The following MTA3 variants were observed in gnomAD, a reference collection of about 807,000 sequenced individuals.
MTA3 encodes metastasis-associated protein MTA3.
In MTA3, 34 loss-of-function variants were observed where a neutral mutation model predicts 83.5. That is an observed-to-expected ratio of 0.41 (90% CI 0.31 to 0.54). The LOEUF is 0.54. Among genes scored for constraint, MTA3 ranks in the 20% least tolerant of loss-of-function variants. The pLI, the probability that MTA3 is intolerant of heterozygous loss-of-function variation, is 0.33. For synonymous variants in MTA3, 303 were observed against 252.7 expected (o/e 1.20, Z -1.89); for missense variants, 761 against 726.4 (o/e 1.05, Z -0.55).
intron 2 of MTA3, among the ~76,000 whole-genome samples, chr2:42,572,205 G>T (rs1183117939): frequency 6.6e-6 from 1 of 151,980 alleles, no homozygotes; most frequent in African/African-American, 2.4e-5. Flanking sequence ...GGTGAACCTG[G>T]GGGGTGGAGC....
intron 2 of MTA3, among the ~76,000 whole-genome samples, chr2:42,521,978 T>G (rs1020094316): frequency 1.3e-5 from 2 of 152,148 alleles, no homozygotes; most frequent in African/African-American, 4.8e-5. Context: ...GGTCTTGAAC[T>G]CCTGACCTCA....
chr2:42,606,711 T>C (rs1339159060), intron 3 of MTA3, among the ~76,000 whole-genome samples: 3 of 151,542 alleles, frequency 2.0e-5, no homozygotes, highest in Non-Finnish European at 2.9e-5. Flanking sequence ...CTCGGCACTT[T>C]GGGAGGCCAA....
upstream of MTA3, among the ~76,000 whole-genome samples, chr2:42,567,371 A>T (rs1035286570): frequency 6.6e-6 from 1 of 152,170 alleles, no homozygotes; most frequent in Non-Finnish European, 1.5e-5. Flanking sequence ...TCATCTCAAT[A>T]CTTTGTGATA....
intron 2 of MTA3, among the ~76,000 whole-genome samples, chr2:42,503,720 G>T (rs1674501058): frequency 1.3e-5 from 2 of 152,068 alleles, no homozygotes; most frequent in African/African-American, 4.8e-5. Context: ...TCCTTCTCAT[G>T]GCCTCAAAGC....
rs1322505853 is a variant in MTA3 at position 42,739,445 on chromosome 2, T to C, written c.1760-13929T>C. On this transcript the variant is annotated intron_variant, in intron 16 of 16. Transcript: ENST00000405094. ...CTTAATTTTAAAAATACTTTATTGC[T>C]AAAAAAAAAAAAAAAGCTAATGATC... Among the ~76,000 whole-genome samples the C allele has an allele frequency of 2.2e-5, 3 of 138,572 alleles. No individual in the cohort carries two copies. In the South Asian group the frequency reaches 7.0e-4, roughly 32 times the overall value. 90.9% of individuals were successfully genotyped at this position (138,572 alleles called of 152,430 possible).
At chr2:42,724,804 A>T (rs1426523315) in intron 16 of MTA3, among the ~76,000 whole-genome samples, 1 of 152,070 alleles carries the variant, frequency 6.6e-6, no homozygotes, top group Non-Finnish European at 1.5e-5. Flanking sequence ...TTTTTCTGGA[A>T]TTTATTTAAA....
intron 2 of MTA3, among the ~76,000 whole-genome samples, chr2:42,526,860 T>C (rs12712847): frequency 0.36 from 54,534 of 151,374 alleles, 9,924 homozygotes; most frequent in South Asian, 0.4. Flanking sequence ...TCGAGACCAT[T>C]CTGACCAACA....
intron 3 of MTA3, among the ~76,000 whole-genome samples, chr2:42,586,107 T>G (rs6734957): frequency 0.85 from 128,480 of 151,600 alleles, 55,102 homozygotes; most frequent in East Asian, 1. Flanking sequence ...GTGAAACCCT[T>G]TGTCTACTAA....
chr2:42,559,235 C>G (rs2103795520), intron 2 of MTA3, among the ~76,000 whole-genome samples: 1 of 152,332 alleles, frequency 6.6e-6, no homozygotes, highest in Non-Finnish European at 1.5e-5. Flanking sequence ...GGCGCAGTGG[C>G]TCACGCCTGT....
chr2:42,643,031 GTC>G (rs1238889687), intron 5 of MTA3, among the ~76,000 whole-genome samples: 15 of 72,330 alleles, frequency 2.1e-4, no homozygotes, highest in Admixed American at 3.4e-4. Context: ...ACATATTGGT[GTC>G]TCCCCCCCCC....
At chr2:42,526,324 T>C (rs1350337754) in intron 2 of MTA3, among the ~76,000 whole-genome samples, 1 of 152,158 alleles carries the variant, frequency 6.6e-6, no homozygotes, top group Non-Finnish European at 1.5e-5. Flanking sequence ...CTCAGCCTCC[T>C]GGGTAACTGG....
intron 16 of MTA3, among the ~76,000 whole-genome samples, chr2:42,745,917 G>T (rs917916017): frequency 6.9e-6 from 1 of 145,952 alleles, no homozygotes; most frequent in East Asian, 2.2e-4. Flanking sequence ...TGGTTCAAGC[G>T]ATTCTCCTGC....
intron 8 of MTA3, among the ~76,000 whole-genome samples, chr2:42,677,664 A>G (rs1287867192): frequency 6.6e-6 from 1 of 152,056 alleles, no homozygotes; most frequent in East Asian, 1.9e-4. Context: ...TAAAAATGGG[A>G]GTTCCCTGCA....
chr2:42,677,238 T>A (rs1691444240), intron 8 of MTA3, among the ~76,000 whole-genome samples: 1 of 152,038 alleles, frequency 6.6e-6, no homozygotes, highest in African/African-American at 2.4e-5. Context: ...TTCCCACGTG[T>A]TGTGGGAGGG....
intron 4 of MTA3, among the ~76,000 whole-genome samples, chr2:42,636,868 G>A (rs887997005): frequency 2.0e-5 from 3 of 151,916 alleles, no homozygotes; most frequent in Non-Finnish European, 2.9e-5. Flanking sequence ...CTCGTGACCC[G>A]CCCGCATCGG....
chr2:42,579,044 G>A (rs1431923291), intron 2 of MTA3, 63 bp from the exon 3 acceptor site: 7 of 1,119,720 alleles, frequency 6.3e-6, no homozygotes, highest in South Asian at 4.5e-5. Context: ...ATCTAGTTTC[G>A]TTGTATAAAT....
chr2:42,651,220 C>T (rs1688688363), intron 6 of MTA3, among the ~76,000 whole-genome samples: 1 of 152,178 alleles, frequency 6.6e-6, no homozygotes, highest in African/African-American at 2.4e-5. Context: ...ATGGAGCTTG[C>T]AGCACTGGAA....
At chr2:42,621,200 A>G (rs951005924) in intron 4 of MTA3, among the ~76,000 whole-genome samples, 1 of 149,818 alleles carries the variant, frequency 6.7e-6, no homozygotes, top group East Asian at 2.0e-4. Context: ...GCAGGGTCAT[A>G]GGACAATAGT....
intron 8 of MTA3, among the ~76,000 whole-genome samples, chr2:42,677,935 C>T (rs1453989843): frequency 6.6e-6 from 1 of 152,166 alleles, no homozygotes; most frequent in Non-Finnish European, 1.5e-5. Flanking sequence ...CCACAGTTGG[C>T]TACGGGTAAC....
Sources: gnomAD v4.1 joint callset for allele counts (sites outside exome capture counted in the v4.1 genomes callset) on GRCh38, gnomAD v4.1.1 for gene constraint, MANE v1.5 for transcripts, NCBI Gene and HGNC (gene_info 2026-07-23, HGNC 2026-07-21) for gene names.